FOXP2: variants seen among roughly 807,000 people sequenced by gnomAD.
FOXP2 encodes the protein forkhead box P2.
In FOXP2, 12 loss-of-function variants were observed where a neutral mutation model predicts 115.8. The observed-to-expected ratio is 0.10, with a 90% CI of 0.07 to 0.17. The LOEUF (loss-of-function observed/expected upper bound fraction) is 0.17, where lower values mean the gene tolerates loss of function less well. FOXP2 is among the 10% of genes least tolerant of loss of function. FOXP2 has a pLI of 1.00. For missense variants in FOXP2, 629 were observed against 843.5 expected (o/e 0.75, Z 3.15); for synonymous variants, 328 against 297.7 (o/e 1.10, Z -1.05).
At chr7:114,663,582 TG>T in intron 15 of FOXP2, 63 bp downstream of exon 15, 1 of 1,208,656 alleles carries the variant, frequency 8.3e-7, no homozygotes, top group Non-Finnish European at 1.2e-6. Context: ...TTTTTTGGCA[TG>T]TCTTTGTATT....
chr7:114,634,238 C>A (rs1043642856), intron 6 of FOXP2, among the ~76,000 whole-genome samples: 1 of 152,046 alleles, frequency 6.6e-6, no homozygotes, highest in African/African-American at 2.4e-5. Context: ...TCAAGTGATC[C>A]GCCTGCCTCG....
chr7:114,439,199 A>G (rs1170909770), intron 2 of FOXP2, among the ~76,000 whole-genome samples: 1 of 152,178 alleles, frequency 6.6e-6, no homozygotes, highest in Non-Finnish European at 1.5e-5. Flanking sequence ...TCTGTTTTCA[A>G]ATGAGTTGGC....
chr7:114,570,127 A>G (rs1294009198), intron 3 of FOXP2, among the ~76,000 whole-genome samples: 1 of 151,962 alleles, frequency 6.6e-6, no homozygotes, highest in Non-Finnish European at 1.5e-5. Context: ...TCATTTATCA[A>G]TAAATAATCA....
intron 2 of FOXP2, among the ~76,000 whole-genome samples, chr7:114,486,470 AC>A (rs201445179): frequency 0.011 from 1,611 of 151,980 alleles, 24 homozygotes; most frequent in African/African-American, 0.035. Context: ...ATATCATTCC[AC>A]CCCTGGCCCC....
In FOXP2 at chr7:114,271,703, TA is replaced by T. The variant is rs900997758; in HGVS notation, c.-101-16315del. On this transcript the variant is annotated intron_variant, in intron 1 of 17. Transcript: ENST00000634411. Reference sequence around the variant, plus strand: ...ATTATATTTAATAATATATTTAATATATTATTTAATACATATGTATTAAATA... The same window carrying T: ...ATTATATTTAATAATATATTTAATATTTATTTAATACATATGTATTAAATA... Among the ~76,000 whole-genome samples the T allele has an allele frequency of 4.0e-3, 472 of 116,874 alleles. 1 individual carries two copies. Among genetic ancestry groups the T allele is most frequent in the Middle Eastern group, 6.0e-3 (1 of 166 alleles). The allele number at this position is 116,874 out of a possible 152,430, so 76.7% of individuals were successfully genotyped here. A position where few individuals can be genotyped will look rare whatever the true frequency, so the allele number is the denominator to read the frequency against.
intron 1 of FOXP2, among the ~76,000 whole-genome samples, chr7:114,113,736 C>T (rs1217387005): frequency 6.6e-6 from 1 of 151,802 alleles, no homozygotes; most frequent in Non-Finnish European, 1.5e-5. Context: ...ACTCCTGGAC[C>T]CAAGTGATCC....
chr7:114,477,323 A>G (rs1584783997), intron 2 of FOXP2, among the ~76,000 whole-genome samples: 1 of 152,106 alleles, frequency 6.6e-6, no homozygotes, highest in East Asian at 1.9e-4. Context: ...AATACGACAC[A>G]GCCATAAAAA....
chr7:114,543,932 A>G (rs1040661408), intron 3 of FOXP2, among the ~76,000 whole-genome samples: 4 of 152,182 alleles, frequency 2.6e-5, no homozygotes, highest in African/African-American at 9.6e-5. Context: ...ATCCTCCTTA[A>G]TTGTAAATCT....
chr7:114,253,873 G>A (rs1223400559), intron 1 of FOXP2, among the ~76,000 whole-genome samples: 1 of 152,202 alleles, frequency 6.6e-6, no homozygotes, highest in Non-Finnish European at 1.5e-5. Context: ...ACTTGATGCA[G>A]TTTCTTCCTA....
At chr7:114,287,039 C>T (rs1426116375) in intron 1 of FOXP2, among the ~76,000 whole-genome samples, 1 of 152,006 alleles carries the variant, frequency 6.6e-6, no homozygotes, top group African/African-American at 2.4e-5. Flanking sequence ...TAATTGAACA[C>T]AGAACTTCCT....
At chr7:114,527,239 T>G (rs1798925332) in intron 2 of FOXP2, among the ~76,000 whole-genome samples, 1 of 152,170 alleles carries the variant, frequency 6.6e-6, no homozygotes, top group Non-Finnish European at 1.5e-5. Context: ...TCTTTTGCTA[T>G]TATGCATGAT....
At chr7:114,231,349 G>A (rs1786162710) in intron 1 of FOXP2, among the ~76,000 whole-genome samples, 1 of 152,092 alleles carries the variant, frequency 6.6e-6, no homozygotes, top group Admixed American at 6.6e-5. Flanking sequence ...CAATGCATTT[G>A]TTACAGATAT....
intron 1 of FOXP2, among the ~76,000 whole-genome samples, chr7:114,145,144 A>G (rs1029555100): frequency 1.3e-5 from 2 of 152,084 alleles, no homozygotes; most frequent in African/African-American, 4.8e-5. Flanking sequence ...CTCTAAATTT[A>G]TTTTTTCTTC....
intron 1 of FOXP2, among the ~76,000 whole-genome samples, chr7:114,186,388 GA>G (rs1793608445): frequency 6.6e-6 from 1 of 152,096 alleles, no homozygotes; most frequent in Non-Finnish European, 1.5e-5. Flanking sequence ...AAATAGGTAA[GA>G]AAAAAATGGG....
chr7:114,213,892 T>C (rs1415196987), intron 1 of FOXP2, among the ~76,000 whole-genome samples: 1 of 152,184 alleles, frequency 6.6e-6, no homozygotes, highest in African/African-American at 2.4e-5. Context: ...GCTCTGAACT[T>C]GCAACAGATT....
intron 1 of FOXP2, among the ~76,000 whole-genome samples, chr7:114,276,880 C>T (rs1796203076): frequency 6.6e-6 from 1 of 152,118 alleles, no homozygotes; most frequent in African/African-American, 2.4e-5. Context: ...CAGAAGTCAG[C>T]TTATGTTTTT....
At chr7:114,601,046 C>T (rs1035951819) in intron 3 of FOXP2, among the ~76,000 whole-genome samples, 4 of 151,850 alleles carry the variant, frequency 2.6e-5, no homozygotes, top group African/African-American at 9.7e-5. Flanking sequence ...TCACTTCAGC[C>T]TCTGCCTCCC....
At chr7:114,362,329 A>T (rs1247623187) in intron 2 of FOXP2, among the ~76,000 whole-genome samples, 1 of 152,140 alleles carries the variant, frequency 6.6e-6, no homozygotes, top group African/African-American at 2.4e-5. Context: ...TGATACTCAC[A>T]GATTATGGTC....
intron 2 of FOXP2, among the ~76,000 whole-genome samples, chr7:114,515,244 G>T (rs1223053063): frequency 6.7e-6 from 1 of 149,964 alleles, no homozygotes; most frequent in East Asian, 2.0e-4. Flanking sequence ...GTAATGGGAT[G>T]GCTGGGTCAA....
Sources: gnomAD v4.1 joint callset for allele counts (sites outside exome capture counted in the v4.1 genomes callset) on GRCh38, gnomAD v4.1.1 for gene constraint, MANE v1.5 for transcripts, NCBI Gene and HGNC (gene_info 2026-07-23, HGNC 2026-07-21) for gene names.